The following SLC37A3 variants were observed in gnomAD, a reference collection of about 807,000 sequenced individuals.
SLC37A3 encodes the protein solute carrier family 37 member 3.
SLC37A3 carries 51 observed loss-of-function variants against 67.1 expected under a neutral mutation model. The observed-to-expected ratio is 0.76, with a 90% CI of 0.61 to 0.96. The LOEUF (loss-of-function observed/expected upper bound fraction) is 0.96, where lower values mean the gene tolerates loss of function less well. SLC37A3 is among the 40% of genes least tolerant of loss of function. The pLI is 0.00. For synonymous variants in SLC37A3, 214 were observed against 231.4 expected, an observed-to-expected ratio of 0.92 and a Z score of 0.68; for missense variants, 508 against 603.0, an observed-to-expected ratio of 0.84 and a Z score of 1.65.
intron 10 of SLC37A3, among the ~76,000 whole-genome samples, chr7:140,347,507 C>A (rs765236111): frequency 6.6e-6 from 1 of 152,068 alleles, no homozygotes; most frequent in East Asian, 1.9e-4. Flanking sequence ...GCAACCTCAC[C>A]TTTGGCTCTG....
chr7:140,351,235 T>C (rs1796781268), intron 9 of SLC37A3, 38 bp downstream of exon 9: 3 of 1,587,554 alleles, frequency 1.9e-6, no homozygotes, highest in African/African-American at 1.4e-5. Flanking sequence ...CGGGCTCTCA[T>C]ACCTCCCTGG....
chr7:140,359,126 A>G lies in SLC37A3; in HGVS notation c.376-341T>C, dbSNP rs538177413. Among the ~76,000 whole-genome samples, 352 of 151,536 alleles carry G rather than the reference A, an allele frequency of 2.3e-3. 3 individuals are homozygous for G. The highest frequency in any genetic ancestry group is 7.9e-3 in the African/African-American group (323 of 40,928). On this transcript the variant is annotated intron_variant, in intron 5 of 14. Coordinates refer to ENST00000326232, the MANE Select transcript of SLC37A3 (RefSeq NM_207113.3). ...TGGGAGGCCGAGGAGGGCAGATCACAAGGTCAGGAAATCGAGACCATCCTG... is the reference window on the plus strand; with the variant it reads ...TGGGAGGCCGAGGAGGGCAGATCACGAGGTCAGGAAATCGAGACCATCCTG...
In SLC37A3 at chr7:140,334,017, TTGA is replaced by T. The variant is rs1033919076; in HGVS notation, c.*1392_*1394del. 2.6e-5 allele frequency: 4 copies of T among 152,356 alleles called. No individual in the cohort carries two copies. The highest frequency in any genetic ancestry group is 9.7e-5 in the African/African-American group (4 of 41,448). The allele number at this position is 152,356 out of a possible 1,614,324, so 9.4% of individuals were successfully genotyped here. On this transcript the variant is annotated 3_prime_UTR_variant, in exon 15 of 15. Coordinates refer to ENST00000326232, the MANE Select transcript of SLC37A3 (RefSeq NM_207113.3). ...GTATATACAGAATGATCTTAAAATA[TTGA>T]TAACTAGTATGGAATTCACAGCCCT...
At chr7:140,346,248 C>T (rs929929932) in intron 10 of SLC37A3, among the ~76,000 whole-genome samples, 15 of 152,026 alleles carry the variant, frequency 9.9e-5, no homozygotes, top group Non-Finnish European at 1.6e-4. Flanking sequence ...GGCGTGGTGG[C>T]GGGCACCTGT....
At position 140,337,984 on chromosome 7, in the gene SLC37A3, A is replaced by G. The variant is rs1398320366; in HGVS notation, c.1327-635T>C. Among the ~76,000 whole-genome samples, 10 of 149,914 alleles carry G rather than the reference A, an allele frequency of 6.7e-5. No homozygotes were observed. The South Asian group carries it at 8.4e-4, about 13-fold the overall frequency. On this transcript the variant is annotated intron_variant, in intron 13 of 14. Coordinates refer to ENST00000326232, the MANE Select transcript of SLC37A3 (RefSeq NM_207113.3). Reference sequence around the variant, plus strand: ...CGGCTCACTGCAAGCTCTGCCTCCCAGGTTCACATCATTCTCCTGCCTCAG... The same window carrying G: ...CGGCTCACTGCAAGCTCTGCCTCCCGGGTTCACATCATTCTCCTGCCTCAG...
At chr7:140,360,316 C>A (rs934825101) in intron 5 of SLC37A3, among the ~76,000 whole-genome samples, 2 of 151,840 alleles carry the variant, frequency 1.3e-5, no homozygotes, top group African/African-American at 2.4e-5. Context: ...CCAGCCTGGG[C>A]AGCAAATCGA....
chr7:140,383,475 G>GCAAAA (rs1317122106), intron 1 of SLC37A3, among the ~76,000 whole-genome samples: 1 of 151,928 alleles, frequency 6.6e-6, no homozygotes, highest in Non-Finnish European at 1.5e-5. Flanking sequence ...CTGACTCTAA[G>GCAAAA]CAAAACAAAA....
chr7:140,394,197 A>G (rs1798831659), intron 1 of SLC37A3, among the ~76,000 whole-genome samples: 1 of 151,712 alleles, frequency 6.6e-6, no homozygotes, highest in African/African-American at 2.4e-5. Flanking sequence ...TTTTGAATCA[A>G]TGAATTGGTT....
At chr7:140,369,523 G>T in intron 4 of SLC37A3, 67 bp downstream of exon 4, 1 of 1,320,628 alleles carries the variant, frequency 7.6e-7, no homozygotes, top group Non-Finnish European at 1.1e-6. Context: ...TACAAATTTT[G>T]TAAGGCTCAG....
intron 12 of SLC37A3, 113 bp from the exon 13 acceptor site, chr7:140,343,676 A>T (rs1057407496): frequency 1.6e-5 from 17 of 1,089,098 alleles, no homozygotes; most frequent in Non-Finnish European, 2.1e-5. Flanking sequence ...GAGAAGTGGA[A>T]AAAAAAGGAA....
At chr7:140,349,686 T>C (rs1442555268) in intron 9 of SLC37A3, among the ~76,000 whole-genome samples, 4 of 152,116 alleles carry the variant, frequency 2.6e-5, no homozygotes, top group Non-Finnish European at 5.9e-5. Context: ...CAAATCCCAA[T>C]CACGAGTGCA....
intron 8 of SLC37A3, 47 bp from the exon 9 acceptor site, chr7:140,351,498 T>C: frequency 6.4e-7 from 1 of 1,572,912 alleles, no homozygotes; most frequent in Non-Finnish European, 8.7e-7. Context: ...CTACCACGTG[T>C]GAAGGGCTCT....
intron 5 of SLC37A3, among the ~76,000 whole-genome samples, chr7:140,362,840 C>G: frequency 1.3e-5 from 1 of 77,514 alleles, no homozygotes; most frequent in African/African-American, 4.8e-5. Flanking sequence ...TCTGCCCGGC[C>G]GCCCCTACTG....
intron 4 of SLC37A3, among the ~76,000 whole-genome samples, chr7:140,366,904 G>A (rs1412104897): frequency 6.6e-6 from 1 of 152,126 alleles, no homozygotes; most frequent in African/African-American, 2.4e-5. Flanking sequence ...GAAGGCCGAG[G>A]TGGGCGGATC....
chr7:140,368,628 A>G (rs1797700730), intron 4 of SLC37A3, among the ~76,000 whole-genome samples: 1 of 152,122 alleles, frequency 6.6e-6, no homozygotes, highest in African/African-American at 2.4e-5. Flanking sequence ...AAAAACATGT[A>G]TCTTCAGACT....
intron 5 of SLC37A3, among the ~76,000 whole-genome samples, chr7:140,362,050 A>C (rs1797332062): frequency 8.6e-6 from 1 of 115,942 alleles, no homozygotes; most frequent in African/African-American, 3.3e-5. Context: ...CTGGCTGCCC[A>C]GTCTGGAAAG....
intron 10 of SLC37A3, 172 bp downstream of exon 10, chr7:140,348,454 T>C: frequency 1.5e-6 from 1 of 667,070 alleles, no homozygotes; most frequent in Non-Finnish European, 2.2e-6. Flanking sequence ...TTTCTTTTCT[T>C]TTCTTTTCTT....
At chr7:140,364,309 A>T in intron 5 of SLC37A3, 99 bp downstream of exon 5, 1 of 1,092,276 alleles carries the variant, frequency 9.2e-7, no homozygotes, top group Admixed American at 2.6e-5. Flanking sequence ...TCGAACAATG[A>T]GGATTAATCT....
intron 5 of SLC37A3, among the ~76,000 whole-genome samples, chr7:140,360,072 C>T (rs10235190): frequency 0.51 from 77,991 of 152,026 alleles, 20,389 homozygotes; most frequent in South Asian, 0.59. Context: ...GTAGGCCAAA[C>T]GCAGGGACTT....
Sources: allele counts gnomAD v4.1 joint callset (sites outside exome capture counted in the v4.1 genomes callset), GRCh38; gene constraint gnomAD v4.1.1; transcripts MANE v1.5; gene names NCBI Gene and HGNC (gene_info 2026-07-23, HGNC 2026-07-21).